DYNC2I1: variants seen among roughly 807,000 people sequenced by gnomAD.
DYNC2I1 encodes cytoplasmic dynein 2 intermediate chain 1.
In DYNC2I1, 89 loss-of-function variants were observed where a neutral mutation model predicts 133.4. That is an observed-to-expected ratio of 0.67 (90% confidence interval 0.56 to 0.80). The LOEUF (loss-of-function observed/expected upper bound fraction) is 0.80, where lower values mean the gene tolerates loss of function less well. Among genes scored for constraint, DYNC2I1 ranks in the 30% least tolerant of loss-of-function variants. The pLI, the probability that DYNC2I1 is intolerant of heterozygous loss-of-function variation, is 0.00. For missense variants in DYNC2I1, 1,291 were observed against 1,314.5 expected, an observed-to-expected ratio of 0.98 and a Z score of 0.28; for synonymous variants, 504 against 484.3, an observed-to-expected ratio of 1.04 and a Z score of -0.54.
At chr7:158,905,135 TTTTTC>T (rs1846638357) in intron 10 of DYNC2I1, 1 of 412,024 alleles carries the variant, frequency 2.4e-6, no homozygotes. Flanking sequence ...CTTGTCTTTC[TTTTTC>T]TTTTTTTTTT....
intron 7 of DYNC2I1, among the ~76,000 whole-genome samples, 188 bp from the exon 8 acceptor site, chr7:158,891,077 C>CTT (rs1845165604): frequency 6.6e-6 from 1 of 152,216 alleles, no homozygotes; most frequent in African/African-American, 2.4e-5. Flanking sequence ...AAGATACTTG[C>CTT]TCTAAGTCAC....
At position 158,902,365 on chromosome 7, in the gene DYNC2I1, A is replaced by G. The variant is rs542815433; in HGVS notation, c.1138-11A>G. 42 of 1,606,072 alleles carry G rather than the reference A, an allele frequency of 2.6e-5. No homozygotes were observed. The South Asian group carries it at 4.7e-4, about 18-fold the overall frequency. ...TCTTAAAGGGTTCCAAAAGATTATT[A>G]TTGTTTGCAGGACTATGAAGATGAC... On this transcript the variant is annotated splice_polypyrimidine_tract_variant and intron_variant, in intron 9 of 24. Transcript: ENST00000407559.
intron 5 of DYNC2I1, among the ~76,000 whole-genome samples, chr7:158,883,383 T>TC (rs1844248625): frequency 9.7e-6 from 1 of 103,090 alleles, no homozygotes; most frequent in African/African-American, 3.1e-5. Context: ...CTTATTATTA[T>TC]TTTTTTTTTT....
At chr7:158,887,200 A>G in intron 7 of DYNC2I1, 125 bp downstream of exon 7, 1 of 921,558 alleles carries the variant, frequency 1.1e-6, no homozygotes, top group South Asian at 1.5e-5. Flanking sequence ...GGTTTATTCG[A>G]GTGGTGATCC....
In DYNC2I1 at chr7:158,911,608, C is replaced by G. The variant is rs529737662; in HGVS notation, c.1519C>G (p.Leu507Val). 11 of 1,613,644 alleles carry G rather than the reference C, an allele frequency of 6.8e-6. No individual in the cohort carries two copies. In the Admixed American group the frequency reaches 1.7e-4, roughly 24 times the overall value. Residue 507 changes from leucine (L) to valine (V), a missense_variant, in exon 12 of 25, where the codon CTC becomes GTC. Physicochemically the swap from Leu to Val is conservative, Grantham distance 32 (BLOSUM62 1). Coordinates refer to ENST00000407559, the MANE Select transcript of DYNC2I1 (RefSeq NM_018051.5). ...IDLDFSFTFS[L>V]LDLPPVNEYD... ...CTTAGATTTTTCATTTACTTTCTCTCTCTTGGATCTACCACCAGTAAATGA... is the reference window on the plus strand; with the variant it reads ...CTTAGATTTTTCATTTACTTTCTCTGTCTTGGATCTACCACCAGTAAATGA...
At chr7:158,914,847 A>C (rs1847859972) in intron 14 of DYNC2I1, among the ~76,000 whole-genome samples, 1 of 152,182 alleles carries the variant, frequency 6.6e-6, no homozygotes, top group Admixed American at 6.5e-5. Flanking sequence ...AATCCCAATC[A>C]TCTAACTTTG....
intron 11 of DYNC2I1, among the ~76,000 whole-genome samples, chr7:158,909,101 C>T (rs1201704892): frequency 2.6e-5 from 4 of 152,030 alleles, no homozygotes; most frequent in South Asian, 2.1e-4. Flanking sequence ...AAGACTGAGG[C>T]GGGCGGATCA....
chr7:158,869,920 A>G lies in DYNC2I1; in HGVS notation c.69+12A>G. 2.5e-6 allele frequency: 4 copies of G among 1,612,630 alleles called. No individual in the cohort carries two copies. Among genetic ancestry groups the G allele is most frequent in the Non-Finnish European group, 3.4e-6 (4 of 1,178,792 alleles). On this transcript the variant is annotated intron_variant, in intron 2 of 24. Transcript: ENST00000407559. ...GAAAACATCTCTGGGTAATTATTGTAAAGATTTGGATTGGGATCTGTGCAG... is the reference window on the plus strand; with the variant it reads ...GAAAACATCTCTGGGTAATTATTGTGAAGATTTGGATTGGGATCTGTGCAG...
intron 16 of DYNC2I1, among the ~76,000 whole-genome samples, chr7:158,923,014 A>G (rs1289485766): frequency 6.6e-6 from 1 of 152,212 alleles, no homozygotes; most frequent in East Asian, 1.9e-4. Context: ...TGTCGCTCAC[A>G]GCCCTTCTGG....
intron 1 of DYNC2I1, among the ~76,000 whole-genome samples, chr7:158,862,653 A>G (rs1300991854): frequency 6.6e-6 from 1 of 151,706 alleles, no homozygotes; most frequent in Non-Finnish European, 1.5e-5. Flanking sequence ...ACAGGAGGTC[A>G]AGGCTGTAGT....
intron 14 of DYNC2I1, among the ~76,000 whole-genome samples, chr7:158,917,346 C>T (rs373009446): frequency 2.6e-5 from 4 of 151,166 alleles, no homozygotes; most frequent in East Asian, 3.9e-4. Context: ...CACACTCCAC[C>T]CTCCACCTCT....
chr7:158,909,504 T>C (rs1847174350), intron 11 of DYNC2I1, among the ~76,000 whole-genome samples: 1 of 152,084 alleles, frequency 6.6e-6, no homozygotes, highest in Admixed American at 6.5e-5. Context: ...TGAAAAACGC[T>C]CCAGTGATAC....
At chr7:158,920,666 T>G (rs1848980021) in intron 15 of DYNC2I1, among the ~76,000 whole-genome samples, 1 of 152,226 alleles carries the variant, frequency 6.6e-6, no homozygotes, top group African/African-American at 2.4e-5. Flanking sequence ...TTCCCACATG[T>G]TCAAGGAGTG....
chr7:158,928,970 G>A (rs1849912438), intron 20 of DYNC2I1, among the ~76,000 whole-genome samples: 1 of 152,304 alleles, frequency 6.6e-6, no homozygotes, highest in South Asian at 2.1e-4. Flanking sequence ...CGGCTATGGA[G>A]ACAAAATCAT....
At chr7:158,865,460 AG>A (rs1192112603) in intron 1 of DYNC2I1, among the ~76,000 whole-genome samples, 1 of 152,228 alleles carries the variant, frequency 6.6e-6, no homozygotes, top group African/African-American at 2.4e-5. Context: ...CGAGGGACAG[AG>A]GCCCTGGGGA....
chr7:158,926,490 T>C (rs1356518814), intron 19 of DYNC2I1, 27 bp downstream of exon 19: 2 of 1,607,620 alleles, frequency 1.2e-6, no homozygotes, highest in East Asian at 2.2e-5. Flanking sequence ...GCCGGGCACA[T>C]GCGGGGCCTG....
intron 21 of DYNC2I1, among the ~76,000 whole-genome samples, chr7:158,931,070 T>G (rs1186332045): frequency 6.6e-6 from 1 of 152,238 alleles, no homozygotes; most frequent in Non-Finnish European, 1.5e-5. Flanking sequence ...AAATTGGTCT[T>G]ACTTAACTAT....
chr7:158,883,754 C>T (rs1479006346), intron 5 of DYNC2I1, among the ~76,000 whole-genome samples: 1 of 147,582 alleles, frequency 6.8e-6, no homozygotes, highest in African/African-American at 2.5e-5. Flanking sequence ...AGCTCCGCCT[C>T]CCGGGTTCAC....
chr7:158,889,469 G>A (rs1844970698), intron 7 of DYNC2I1, among the ~76,000 whole-genome samples: 1 of 152,044 alleles, frequency 6.6e-6, no homozygotes. Context: ...TACATTTCTT[G>A]AAGTGGAATT....
Sources: allele counts gnomAD v4.1 joint callset (sites outside exome capture counted in the v4.1 genomes callset), GRCh38; gene constraint gnomAD v4.1.1; transcripts MANE v1.5; gene names NCBI Gene and HGNC (gene_info 2026-07-23, HGNC 2026-07-21).